Variants in SRPK1 observed in about 807,000 individuals in gnomAD.
The protein encoded by SRPK1 is SFRS protein kinase 1.
In SRPK1, 52 loss-of-function variants were observed where a neutral mutation model predicts 89.5. The observed-to-expected ratio is 0.58, with a 90% confidence interval of 0.46 to 0.73. The LOEUF (loss-of-function observed/expected upper bound fraction) is 0.73. SRPK1 is among the 30% of genes least tolerant of loss of function. SRPK1 has a pLI of 0.00. For synonymous variants in SRPK1, 255 were observed against 270.2 expected (o/e 0.94, Z 0.55); for missense variants, 603 against 780.6 (o/e 0.77, Z 2.71).
intron 2 of SRPK1, among the ~76,000 whole-genome samples, chr6:35,904,612 A>G (rs1770810304): frequency 6.6e-6 from 1 of 151,984 alleles, no homozygotes; most frequent in African/African-American, 2.4e-5. Context: ...CAGCCTGGCC[A>G]ACATGGTGAA....
At chr6:35,852,435 C>T (rs1442691746) in intron 13 of SRPK1, among the ~76,000 whole-genome samples, 1 of 152,080 alleles carries the variant, frequency 6.6e-6, no homozygotes, top group East Asian at 1.9e-4. Flanking sequence ...GCAGCAAAAA[C>T]AAGTAAACAA....
At chr6:35,886,379 C>G (rs548135198) in intron 6 of SRPK1, among the ~76,000 whole-genome samples, 1 of 152,276 alleles carries the variant, frequency 6.6e-6, no homozygotes, top group South Asian at 2.1e-4. Context: ...CGTGCCCGGC[C>G]TACTCAGTAT....
At chr6:35,897,450 G>A (rs1466541994) in intron 2 of SRPK1, among the ~76,000 whole-genome samples, 1 of 152,194 alleles carries the variant, frequency 6.6e-6, no homozygotes, top group Non-Finnish European at 1.5e-5. Context: ...GTTGCTTTAG[G>A]AAGTAGACCT....
chr6:35,904,713 T>G (rs1032983018), intron 2 of SRPK1, among the ~76,000 whole-genome samples: 1 of 151,832 alleles, frequency 6.6e-6, no homozygotes, highest in African/African-American at 2.4e-5. Flanking sequence ...GCAGGAGAAC[T>G]GCTTGAACCA....
chr6:35,842,643 A>G (rs1484896036), intron 13 of SRPK1, 39 bp from the exon 14 acceptor site: 2 of 1,525,402 alleles, frequency 1.3e-6, no homozygotes, highest in Non-Finnish European at 1.8e-6. Flanking sequence ...AGCACAAAAG[A>G]AAAGAAGGCC....
chr6:35,866,601 AAAG>A (rs1282834732), intron 12 of SRPK1, among the ~76,000 whole-genome samples: 2 of 152,088 alleles, frequency 1.3e-5, no homozygotes, highest in Non-Finnish European at 2.9e-5. Flanking sequence ...AAAGAAAAAG[AAAG>A]AAGGAAAATA....
At chr6:35,842,628 A>G in intron 13 of SRPK1, 24 bp from the exon 14 acceptor site, 1 of 1,576,888 alleles carries the variant, frequency 6.3e-7, no homozygotes, top group Non-Finnish European at 8.6e-7. Flanking sequence ...AGGACAGTAT[A>G]TGAAAGCACA....
At chr6:35,885,481 C>T (rs756842912) in intron 6 of SRPK1, among the ~76,000 whole-genome samples, 12 of 152,160 alleles carry the variant, frequency 7.9e-5, no homozygotes, top group Non-Finnish European at 1.6e-4. Flanking sequence ...ACATTATCAG[C>T]TGTTCTCTCT....
chr6:35,850,261 C>A (rs1347618188), intron 13 of SRPK1, among the ~76,000 whole-genome samples: 1 of 152,096 alleles, frequency 6.6e-6, no homozygotes, highest in East Asian at 1.9e-4. Flanking sequence ...ACCAGATATG[C>A]CAAGTTTTGT....
At chr6:35,843,257 C>A (rs904594656) in intron 13 of SRPK1, among the ~76,000 whole-genome samples, 1 of 151,378 alleles carries the variant, frequency 6.6e-6, no homozygotes, top group Non-Finnish European at 1.5e-5. Flanking sequence ...TGTGAGCCAC[C>A]ACGCCCAGCC....
intron 2 of SRPK1, among the ~76,000 whole-genome samples, chr6:35,902,739 T>C (rs372152895): frequency 6.6e-6 from 1 of 152,238 alleles, no homozygotes; most frequent in African/African-American, 2.4e-5. Context: ...GCATGTACTG[T>C]ATTATCCTTC....
chr6:35,906,607 T>C (rs1770852995), intron 2 of SRPK1, among the ~76,000 whole-genome samples: 1 of 152,182 alleles, frequency 6.6e-6, no homozygotes, highest in Non-Finnish European at 1.5e-5. Context: ...GAACAGGAAA[T>C]TCCATAGGCA....
Position 35,857,215 on chromosome 6 carries a change from G to A in SRPK1, c.1620+46C>T, listed in dbSNP as rs1444161131. 6 of 1,396,884 alleles carry A rather than the reference G, an allele frequency of 4.3e-6. No individual in the cohort carries two copies. In the South Asian group the frequency reaches 6.1e-5, roughly 14 times the overall value. 86.5% of individuals were successfully genotyped at this position (1,396,884 alleles called of 1,614,324 possible). A position where few individuals can be genotyped will look rare whatever the true frequency, so the allele number is the denominator to read the frequency against. On this transcript the variant is annotated intron_variant, in intron 13 of 15. Transcript: ENST00000373825. ...TTACTGAAATTAGCAAACAGGGCAA[G>A]ATATGTACCACTTAACAAGTGAAAG...
intron 14 of SRPK1, 30 bp from the exon 15 acceptor site, chr6:35,838,459 GA>G (rs11348462): frequency 0.017 from 25,351 of 1,511,924 alleles, 434 homozygotes; most frequent in African/African-American, 0.081. Flanking sequence ...CAAGAGGGGG[GA>G]AAAAAAAGAT....
intron 2 of SRPK1, among the ~76,000 whole-genome samples, chr6:35,913,539 CT>C (rs1318527148): frequency 6.6e-6 from 1 of 151,984 alleles, no homozygotes; most frequent in Non-Finnish European, 1.5e-5. Flanking sequence ...TGGCTCACGC[CT>C]GTAATTCCAA....
At chr6:35,880,742 A>AAAAAAAAAAAAGAAAAAAAG in intron 6 of SRPK1, among the ~76,000 whole-genome samples, 2 of 28,176 alleles carry the variant, frequency 7.1e-5, no homozygotes, top group Non-Finnish European at 1.1e-4. Context: ...AAAGAAAAAA[A>AAAAAAAAAAAAGAAAAAAAG]AAAAAAAAGA....
chr6:35,842,716 A>T, intron 13 of SRPK1, 112 bp from the exon 14 acceptor site: 3 of 538,598 alleles, frequency 5.6e-6, no homozygotes, highest in Non-Finnish European at 6.0e-6. Flanking sequence ...GGGAAAACTT[A>T]TAGATCATTT....
chr6:35,852,647 T>C (rs1049388947), intron 13 of SRPK1, among the ~76,000 whole-genome samples: 2 of 152,226 alleles, frequency 1.3e-5, no homozygotes, highest in South Asian at 2.1e-4. Context: ...TTCTGCCGTT[T>C]CATTCGGGCA....
chr6:35,859,357 C>T (rs1482467596), intron 12 of SRPK1, among the ~76,000 whole-genome samples: 1 of 152,062 alleles, frequency 6.6e-6, no homozygotes, highest in Non-Finnish European at 1.5e-5. Context: ...ATAACTGTCT[C>T]CCCCACTGTG....
Sources: gnomAD v4.1 joint callset for allele counts (sites outside exome capture counted in the v4.1 genomes callset) on GRCh38, gnomAD v4.1.1 for gene constraint, MANE v1.5 for transcripts, NCBI Gene and HGNC (gene_info 2026-07-23, HGNC 2026-07-21) for gene names.